The following CYYR1 variants were observed in gnomAD, a reference collection of about 807,000 sequenced individuals.
CYYR1 encodes cysteine and tyrosine-rich protein 1.
CYYR1 carries 14 observed loss-of-function variants against 15.2 expected under a neutral mutation model. The observed-to-expected ratio is 0.92, with a 90% CI of 0.61 to 1.44. CYYR1 has a LOEUF of 1.44. CYYR1 is among the 40% of genes most tolerant of loss of function. CYYR1 has a pLI of 0.00. For missense variants in CYYR1, 228 were observed against 209.5 expected, an observed-to-expected ratio of 1.09 and a Z score of -0.54; for synonymous variants, 80 against 77.4, an observed-to-expected ratio of 1.03 and a Z score of -0.18.
intron 1 of CYYR1, chr21:26,568,268 G>C (rs1003404015): frequency 3.3e-5 from 5 of 152,144 alleles, no homozygotes; most frequent in Non-Finnish European, 5.9e-5. Context: ...CAAGGGCTTA[G>C]TGGGGATGTT....
At chr21:26,469,157 T>C (rs1313400810) in intron 3 of CYYR1, among the ~76,000 whole-genome samples, 2 of 152,128 alleles carry the variant, frequency 1.3e-5, no homozygotes, top group African/African-American at 2.4e-5. Flanking sequence ...TAATGGCATA[T>C]GTGAGGGATG....
At chr21:26,550,230 T>C (rs1458887595) in intron 2 of CYYR1, 1 of 152,208 alleles carries the variant, frequency 6.6e-6, no homozygotes, top group Non-Finnish European at 1.5e-5. Flanking sequence ...ACTGCACCTG[T>C]ATAAGATGGT....
chr21:26,500,346 T>C (rs2065463691), intron 2 of CYYR1, among the ~76,000 whole-genome samples: 1 of 152,082 alleles, frequency 6.6e-6, no homozygotes, highest in African/African-American at 2.4e-5. Flanking sequence ...GTGGGCCACA[T>C]AGGAAAGAGG....
intron 2 of CYYR1, among the ~76,000 whole-genome samples, chr21:26,510,245 C>T (rs1892892977): frequency 6.6e-6 from 1 of 152,054 alleles, no homozygotes; most frequent in Admixed American, 6.6e-5. Flanking sequence ...AGGAAACCTG[C>T]CCAGATAAGA....
chr21:26,510,543 T>C (rs1309094769), intron 2 of CYYR1, among the ~76,000 whole-genome samples: 1 of 152,226 alleles, frequency 6.6e-6, no homozygotes, highest in Non-Finnish European at 1.5e-5. Context: ...TATCTTCTGT[T>C]CTGTTGCTGG....
chr21:26,546,444 G>A (rs1427262122), intron 2 of CYYR1, among the ~76,000 whole-genome samples: 1 of 152,202 alleles, frequency 6.6e-6, no homozygotes, highest in Non-Finnish European at 1.5e-5. Context: ...AATACTGAAT[G>A]AGTTGGTGTG....
intron 2 of CYYR1, among the ~76,000 whole-genome samples, chr21:26,557,617 G>C (rs1979886098): frequency 6.6e-6 from 1 of 152,120 alleles, no homozygotes; most frequent in African/African-American, 2.4e-5. Context: ...GTGTATTCCT[G>C]AATTTCCCTA....
intron 2 of CYYR1, among the ~76,000 whole-genome samples, chr21:26,523,963 G>A (rs1228256222): frequency 6.6e-6 from 1 of 152,182 alleles, no homozygotes; most frequent in Non-Finnish European, 1.5e-5. Context: ...TGATAAATTT[G>A]TGGCTCAATG....
chr21:26,526,474 G>T (rs554633171), intron 2 of CYYR1, among the ~76,000 whole-genome samples: 1 of 151,388 alleles, frequency 6.6e-6, no homozygotes, highest in Non-Finnish European at 1.5e-5. Flanking sequence ...CAACAAAAAA[G>T]TTAAAAAAAA....
chr21:26,562,803 C>CACACACACACAA (rs1980327981), intron 2 of CYYR1, among the ~76,000 whole-genome samples: 1 of 150,158 alleles, frequency 6.7e-6, no homozygotes, highest in African/African-American at 2.5e-5. Flanking sequence ...TACACAAACA[C>CACACACACACAA]ACACACACAC....
intron 2 of CYYR1, among the ~76,000 whole-genome samples, chr21:26,550,048 C>T (rs747770210): frequency 1.7e-4 from 26 of 152,200 alleles, no homozygotes; most frequent in South Asian, 4.1e-4. Flanking sequence ...ATTTTTCCAA[C>T]AGCATATGCT....
chr21:26,512,712 A>G (rs1461917348), intron 2 of CYYR1, among the ~76,000 whole-genome samples: 2 of 152,202 alleles, frequency 1.3e-5, no homozygotes, highest in Non-Finnish European at 2.9e-5. Flanking sequence ...GTGTTTACGC[A>G]TTGTCTATAA....
intron 2 of CYYR1, among the ~76,000 whole-genome samples, chr21:26,510,838 T>G (rs901515953): frequency 9.2e-5 from 14 of 152,212 alleles, no homozygotes; most frequent in Non-Finnish European, 2.9e-5. Flanking sequence ...ATATCCTATT[T>G]GTCAGTGTTA....
Position 26,467,332 on chromosome 21 carries a change from A to G in CYYR1, c.*1169T>C, listed in dbSNP as rs943348830. ...AAGGTAGGCACTTCATAAAATTTGC[A>G]TTTTGGTAAAAGGCAACAATTTGAT... is the stretch of plus-strand genomic sequence containing the variant. On this transcript the variant is annotated 3_prime_UTR_variant, in exon 4 of 4. Coordinates refer to ENST00000652641, the MANE Select transcript of CYYR1 (RefSeq NM_001320768.2). The G allele has an allele frequency of 6.6e-6, 1 of 152,198 alleles. No individual in the cohort carries two copies. The highest frequency in any genetic ancestry group is 1.5e-5 in the Non-Finnish European group (1 of 68,022). The allele number at this position is 152,198 out of a possible 1,614,324, so 9.4% of individuals were successfully genotyped here.
At chr21:26,507,144 G>A (rs1376535316) in intron 2 of CYYR1, among the ~76,000 whole-genome samples, 3 of 152,092 alleles carry the variant, frequency 2.0e-5, no homozygotes, top group Non-Finnish European at 4.4e-5. Context: ...TTTGACACAT[G>A]AGACATATGT....
chr21:26,479,652 C>A (rs2123396665), intron 3 of CYYR1, among the ~76,000 whole-genome samples: 1 of 152,112 alleles, frequency 6.6e-6, no homozygotes, highest in Non-Finnish European at 1.5e-5. Context: ...ATATATTGCC[C>A]TTGCTCTTTG....
intron 2 of CYYR1, among the ~76,000 whole-genome samples, chr21:26,485,488 T>G (rs963981850): frequency 2.0e-5 from 3 of 152,128 alleles, no homozygotes; most frequent in African/African-American, 7.2e-5. Context: ...ATGCCTTCTC[T>G]CTGCCATCAA....
intron 2 of CYYR1, among the ~76,000 whole-genome samples, chr21:26,556,400 A>C (rs573098355): frequency 6.6e-6 from 1 of 152,264 alleles, no homozygotes; most frequent in East Asian, 1.9e-4. Context: ...GGAATGTGGA[A>C]GGGCAGACAG....
chr21:26,494,703 T>TTTGTGTATA (rs1431679888), intron 2 of CYYR1, among the ~76,000 whole-genome samples: 16 of 152,254 alleles, frequency 1.1e-4, no homozygotes, highest in African/African-American at 3.9e-4. Flanking sequence ...AACTGGGACA[T>TTTGTGTATA]CACATTGTGC....
Sources: allele counts gnomAD v4.1 joint callset (sites outside exome capture counted in the v4.1 genomes callset), GRCh38; gene constraint gnomAD v4.1.1; transcripts MANE v1.5; gene names NCBI Gene and HGNC (gene_info 2026-07-23, HGNC 2026-07-21).